The following LSM1 variants were observed in gnomAD, a reference collection of about 807,000 sequenced individuals.
LSM1 encodes the protein LSM1 homolog, mRNA degradation associated, also known as U6 snRNA-associated Sm-like protein LSm1.
In LSM1, 13 loss-of-function variants were observed where a neutral mutation model predicts 18.0. That is an observed-to-expected ratio of 0.72 (90% CI 0.47 to 1.15). The LOEUF is 1.15. Among genes scored for constraint, LSM1 ranks in the 50% most tolerant of loss-of-function variants. LSM1 has a pLI of 0.00. For missense variants in LSM1, 152 were observed against 157.7 expected, an observed-to-expected ratio of 0.96 and a Z score of 0.19; for synonymous variants, 46 against 56.0, an observed-to-expected ratio of 0.82 and a Z score of 0.80.
At chr8:38,175,588 G>A (rs1040645403) in intron 1 of LSM1, among the ~76,000 whole-genome samples, 1 of 151,846 alleles carries the variant, frequency 6.6e-6, no homozygotes, top group Non-Finnish European at 1.5e-5. Context: ...TTTCGCTTTT[G>A]TATAGGACTG....
chr8:38,174,898 C>G (rs1210962748), intron 1 of LSM1, among the ~76,000 whole-genome samples: 1 of 151,264 alleles, frequency 6.6e-6, no homozygotes, highest in East Asian at 2.0e-4. Flanking sequence ...CTGGCAGGCG[C>G]CTGTAATCCC....
chr8:38,170,862 A>G (rs1457993974), intron 2 of LSM1: 2 of 217,648 alleles, frequency 9.2e-6, no homozygotes, highest in Non-Finnish European at 2.0e-5. Flanking sequence ...TCCTCTTTCA[A>G]TTAGTACTAC....
In LSM1 at chr8:38,163,714, G is replaced by C; in HGVS notation, c.358C>G (p.Arg120Gly). The C allele has an allele frequency of 1.2e-6, 2 of 1,614,098 alleles. No homozygotes were observed. The highest frequency in any genetic ancestry group is 1.7e-6 in the Non-Finnish European group (2 of 1,180,020). Residue 120 changes from arginine to glycine, a missense_variant, in exon 4 of 4, where the codon CGA becomes GGA. Coordinates refer to ENST00000311351, the MANE Select transcript of LSM1 (RefSeq NM_014462.3). ...TCTGCTCGAGGAATGGAAAGACCTC[G>C]GTCCTTCAGGGCCTGCACTTTCAAC... is the stretch of plus-strand genomic sequence containing the variant. ...EKLKVQALKD[R>G]GLSIPRADTL...
chr8:38,166,378 CA>C (rs1174233469), intron 3 of LSM1, among the ~76,000 whole-genome samples: 2 of 152,192 alleles, frequency 1.3e-5, no homozygotes, highest in African/African-American at 2.4e-5. Flanking sequence ...CTTGGCCTCC[CA>C]AAGTGTGAGC....
chr8:38,174,159 G>T (rs2130648696), intron 1 of LSM1, among the ~76,000 whole-genome samples: 1 of 152,236 alleles, frequency 6.6e-6, no homozygotes, highest in South Asian at 2.1e-4. Context: ...CAGACAAAAT[G>T]AAAATGACTC....
At position 38,163,711 on chromosome 8, in the gene LSM1, C is replaced by A; in HGVS notation, c.361G>T (p.Gly121Cys). The change falls in exon 4 of 4, where the codon GGT becomes TGT. Residue 121 changes from glycine to cysteine, a missense_variant. By Grantham distance (159) the Gly-to-Cys change is radical. Transcript: ENST00000311351. The part of the protein sequence containing the change: ...KLKVQALKDR[G>C]LSIPRADTLD... ...GTATCTGCTCGAGGAATGGAAAGACCTCGGTCCTTCAGGGCCTGCACTTTC... is the reference window on the plus strand; with the variant it reads ...GTATCTGCTCGAGGAATGGAAAGACATCGGTCCTTCAGGGCCTGCACTTTC... 2 of 1,614,192 alleles carry A rather than the reference C, an allele frequency of 1.2e-6. No individual in the cohort carries two copies. Among genetic ancestry groups the A allele is most frequent in the Non-Finnish European group, 1.7e-6 (2 of 1,180,042 alleles).
Position 38,176,291 on chromosome 8 carries a change from G to A in LSM1, c.30C>T (p.Leu10=). The A allele has an allele frequency of 2.5e-6, 4 of 1,613,654 alleles. No individual in the cohort carries two copies. In the South Asian group the frequency reaches 3.3e-5, roughly 13 times the overall value. The change falls in exon 1 of 4, where the codon CTC becomes CTT. Residue 10 remains leucine, a synonymous_variant. Coordinates refer to ENST00000311351, the MANE Select transcript of LSM1 (RefSeq NM_014462.3). ...ACTACTCACTGTCAATGTCCTCGAT[G>A]AGGCTGGCGGTGCCAGGCATATAGT... MNYMPGTAS[L]IEDIDKKHLV...
chr8:38,172,096 A>G lies in LSM1; in HGVS notation c.47-63T>C, dbSNP rs553878487. ...ACAAGTTCAGCGAGTATTTAGGATA[A>G]TAATTAACAGTTTAAGCTGTACCAC... On this transcript the variant is annotated intron_variant, in intron 1 of 3. Transcript: ENST00000311351. The G allele has an allele frequency of 1.4e-5, 16 of 1,148,054 alleles. No homozygotes were observed. The South Asian group carries it at 2.0e-4, about 14-fold the overall frequency. The allele number at this position is 1,148,054 out of a possible 1,614,324, so 71.1% of individuals were successfully genotyped here. A position where few individuals can be genotyped will look rare whatever the true frequency, so the allele number is the denominator to read the frequency against.
In LSM1 at chr8:38,165,179, G is replaced by A. The variant is rs185126554; in HGVS notation, c.232-1339C>T. Among the ~76,000 whole-genome samples the A allele has an allele frequency of 2.2e-4, 33 of 151,054 alleles. 1 individual carries two copies. The East Asian group carries it at 3.8e-3, about 17-fold the overall frequency. ...GCCTGGCCAACATGGCAAAACCCCC[G>A]TCTCTACTAAAAATACAAAAAAAAT... On this transcript the variant is annotated intron_variant, in intron 3 of 3. Transcript: ENST00000311351.
In LSM1 at chr8:38,176,279, A is replaced by T; in HGVS notation, c.42T>A (p.Ile14=). The change falls in exon 1 of 4, where the codon ATT becomes ATA. Residue 14 remains isoleucine, a synonymous_variant. Transcript: ENST00000311351. ...GGGAGGAGATAAACTACTCACTGTC[A>T]ATGTCCTCGATGAGGCTGGCGGTGC... ...MPGTASLIED[I]DKKHLVLLRD... The T allele has an allele frequency of 6.2e-6, 10 of 1,613,660 alleles. No individual in the cohort carries two copies. The highest frequency in any genetic ancestry group is 8.5e-6 in the Non-Finnish European group (10 of 1,179,758).
chr8:38,170,394 T>C (rs1443128669), intron 2 of LSM1, among the ~76,000 whole-genome samples: 3 of 152,208 alleles, frequency 2.0e-5, no homozygotes, highest in Admixed American at 1.3e-4. Context: ...TCCTATTTCA[T>C]TGAGTAAGAC....
intron 1 of LSM1, among the ~76,000 whole-genome samples, chr8:38,174,034 G>C (rs150213275): frequency 2.3e-4 from 35 of 152,116 alleles, no homozygotes; most frequent in African/African-American, 8.0e-4. Flanking sequence ...AAAGGGGAGA[G>C]AACACAGAAG....
intron 3 of LSM1, 45 bp from the exon 4 acceptor site, chr8:38,163,885 T>C (rs1802883329): frequency 6.4e-7 from 1 of 1,561,046 alleles, no homozygotes; most frequent in Non-Finnish European, 8.8e-7. Flanking sequence ...AGACCAAGAA[T>C]AGAAAGCACA....
intron 2 of LSM1, among the ~76,000 whole-genome samples, chr8:38,171,273 C>G (rs955225289): frequency 3.9e-5 from 6 of 152,224 alleles, no homozygotes; most frequent in African/African-American, 1.4e-4. Context: ...TGGCTCGCGC[C>G]TATAATCTCA....
chr8:38,175,988 G>C, intron 1 of LSM1: 4 of 344,792 alleles, frequency 1.2e-5, no homozygotes, highest in Non-Finnish European at 2.1e-5. Context: ...TTTCGTGTTC[G>C]GGCCTCTGCT....
intron 3 of LSM1, 120 bp from the exon 4 acceptor site, chr8:38,163,960 G>T: frequency 1.2e-6 from 1 of 845,702 alleles, no homozygotes; most frequent in Non-Finnish European, 1.9e-6. Context: ...GACAGGAACT[G>T]AAATATCCTT....
At chr8:38,164,137 C>T (rs972559992) in intron 3 of LSM1, among the ~76,000 whole-genome samples, 3 of 152,176 alleles carry the variant, frequency 2.0e-5, no homozygotes, top group African/African-American at 7.2e-5. Flanking sequence ...TCACTGCAAC[C>T]TCTACCTCCT....
At chr8:38,168,884 C>G (rs144079383) in intron 3 of LSM1, among the ~76,000 whole-genome samples, 1 of 152,152 alleles carries the variant, frequency 6.6e-6, no homozygotes, top group East Asian at 1.9e-4. Context: ...ACCAACCCAA[C>G]CCTAGCAGAA....
rs1243561679 is a variant in LSM1 at position 38,176,412 on chromosome 8, A to T, written c.-92T>A. The T allele has an allele frequency of 9.6e-7, 1 of 1,039,380 alleles. No individual in the cohort carries two copies. The highest frequency in any genetic ancestry group is 1.4e-6 in the Non-Finnish European group (1 of 693,788). 64.4% of individuals were successfully genotyped at this position (1,039,380 alleles called of 1,614,324 possible). On this transcript the variant is annotated 5_prime_UTR_variant, in exon 1 of 4. Transcript: ENST00000311351. ...CTACCGCAGTCGCCGCCTCGGTGGG[A>T]CCAAGCCCGGAATCCCGACCGAGAC...
Sources: allele counts gnomAD v4.1 joint callset (sites outside exome capture counted in the v4.1 genomes callset), GRCh38; gene constraint gnomAD v4.1.1; transcripts MANE v1.5; gene names NCBI Gene and HGNC (gene_info 2026-07-23, HGNC 2026-07-21).